MBTPS2: variants seen among roughly 807,000 people sequenced by gnomAD.
MBTPS2 encodes membrane bound transcription factor peptidase, site 2, also known as membrane-bound transcription factor site-2 protease.
In MBTPS2, 2 loss-of-function variants were observed where a neutral mutation model predicts 35.4. That is an observed-to-expected ratio of 0.06 (90% CI 0.02 to 0.18). The LOEUF (loss-of-function observed/expected upper bound fraction) is 0.18, where lower values mean the gene tolerates loss of function less well. MBTPS2 is among the 10% of genes least tolerant of loss of function. The pLI, the probability that MBTPS2 is intolerant of heterozygous loss-of-function variation, is 1.00. For synonymous variants in MBTPS2, 125 were observed against 140.4 expected (o/e 0.89, Z 0.77); for missense variants, 244 against 386.5 (o/e 0.63, Z 3.09).
At chrX:21,856,214 C>T in intron 5 of MBTPS2, 1 of 345,614 alleles carries the variant, frequency 2.9e-6, no homozygotes, top group Non-Finnish European at 5.0e-6. Flanking sequence ...GCGCCAGTTG[C>T]CTAGGCGCAT....
intron 10 of MBTPS2, among the ~76,000 whole-genome samples, chrX:21,881,990 G>T (rs2092960016): frequency 8.9e-6 from 1 of 112,095 alleles, no homozygotes; most frequent in South Asian, 3.7e-4. Flanking sequence ...TTGTCACAAA[G>T]AGACTTATGC....
At chrX:21,857,703 TA>T (rs11339991) in intron 5 of MBTPS2, 357,215 of 884,007 alleles carry the variant, frequency 0.4, 54,876 homozygotes, top group East Asian at 0.62. Context: ...CTAAGAGTTT[TA>T]AAAAAAAATG....
intron 2 of MBTPS2, among the ~76,000 whole-genome samples, chrX:21,844,279 G>A (rs1183057452): frequency 2.7e-5 from 3 of 111,183 alleles, no homozygotes; most frequent in Admixed American, 9.5e-5. Context: ...TTAGGAGGCC[G>A]AGATGGGCGG....
Position 21,839,764 on chromosome X carries a change from G to C in MBTPS2, c.30G>C (p.Val10=), listed in dbSNP as rs139020486. 1.6e-4 allele frequency: 188 copies of C among 1,193,147 alleles called. No individual in the cohort carries two copies. The highest frequency in any genetic ancestry group is 1.4e-3 in the Middle Eastern group (6 of 4,299). The change falls in exon 1 of 11, where the codon GTG becomes GTC. Residue 10 remains valine, a synonymous_variant. Transcript: ENST00000379484. MIPVSLVVV[V]VGGWTVVYLT... ...TTCCGGTGTCGCTGGTGGTGGTGGT[G>C]GTGGGTGGCTGGACTGTCGTCTACC...
chrX:21,879,949 C>CTTTT (rs60769329), intron 9 of MBTPS2, among the ~76,000 whole-genome samples: 11 of 47,374 alleles, frequency 2.3e-4, no homozygotes, highest in African/African-American at 5.3e-4. Flanking sequence ...TTATGTTATT[C>CTTTT]TTTTTTTTTT....
At chrX:21,845,458 T>A in intron 3 of MBTPS2, 74 bp downstream of exon 3, 1 of 923,554 alleles carries the variant, frequency 1.1e-6, no homozygotes, top group Non-Finnish European at 1.5e-6. Flanking sequence ...CTAGTGTAAC[T>A]CCTATCCATA....
chrX:21,866,993 G>A (rs1204873611), intron 5 of MBTPS2, among the ~76,000 whole-genome samples: 1 of 102,729 alleles, frequency 9.7e-6, no homozygotes, highest in Non-Finnish European at 2.0e-5. Context: ...CTCGCCACTG[G>A]GCAACAGAGC....
At chrX:21,841,377 G>A (rs1259478488) in intron 1 of MBTPS2, among the ~76,000 whole-genome samples, 1 of 110,646 alleles carries the variant, frequency 9.0e-6, no homozygotes, top group Admixed American at 9.6e-5. Context: ...AAACAAGATC[G>A]TGCCACTGCA....
chrX:21,857,402 C>T (rs146221313), intron 5 of MBTPS2: 544 of 1,211,022 alleles, frequency 4.5e-4, no homozygotes, highest in African/African-American at 8.7e-4. Context: ...TGGTCCACAC[C>T]GGCGAGAAGC....
chrX:21,856,362 TTTCTCTGCAGCTCGC>T, intron 5 of MBTPS2: 1 of 777,251 alleles, frequency 1.3e-6, no homozygotes, highest in South Asian at 2.5e-5. Flanking sequence ...AGCTCGCGCC[TTTCTCTGCAGCTCGC>T]CCCTTCCTCT....
At position 21,877,978 on chromosome X, in the gene MBTPS2, G is replaced by T. The variant is rs58271840; in HGVS notation, c.971-64G>T. 0.02 allele frequency: 14,786 copies of T among 725,425 alleles called. 786 individuals are homozygous for T. Among genetic ancestry groups the T allele is most frequent in the African/African-American group, 0.2 (9,423 of 47,447 alleles). The allele number at this position is 725,425 out of a possible 1,213,427, so 59.8% of individuals were successfully genotyped here. A position where few individuals can be genotyped will look rare whatever the true frequency, so the allele number is the denominator to read the frequency against. Reference sequence around the variant, plus strand: ...TTTACTTATTCTTTTTGTCTTAAAGGCATTTTTTGTTACAAATGTATTTTT... The same window carrying T: ...TTTACTTATTCTTTTTGTCTTAAAGTCATTTTTTGTTACAAATGTATTTTT... On this transcript the variant is annotated intron_variant, in intron 7 of 10. Transcript: ENST00000379484.
chrX:21,875,518 T>TC (rs2147451920), intron 7 of MBTPS2, among the ~76,000 whole-genome samples: 1 of 112,475 alleles, frequency 8.9e-6, no homozygotes, highest in African/African-American at 3.2e-5. Context: ...GATAATAAAT[T>TC]CCTGACTTCC....
intron 5 of MBTPS2, among the ~76,000 whole-genome samples, chrX:21,867,880 C>T (rs2092942389): frequency 9.1e-6 from 1 of 109,485 alleles, no homozygotes; most frequent in Non-Finnish European, 1.9e-5. Context: ...ACCTCGTGAT[C>T]CGCCCGCCCT....
intron 5 of MBTPS2, chrX:21,856,655 G>A (rs772576056): frequency 5.8e-6 from 7 of 1,209,896 alleles, no homozygotes; most frequent in Non-Finnish European, 7.8e-6. Flanking sequence ...ACAACCATCC[G>A]CCATTGATGG....
intron 3 of MBTPS2, among the ~76,000 whole-genome samples, chrX:21,848,228 TGG>T (rs2092910639): frequency 9.0e-6 from 1 of 111,395 alleles, no homozygotes; most frequent in Non-Finnish European, 1.9e-5. Context: ...GAGACCAGCC[TGG>T]GCAACATGGT....
intron 7 of MBTPS2, chrX:21,870,453 C>T (rs927760376): frequency 9.0e-6 from 1 of 111,295 alleles, no homozygotes; most frequent in Admixed American, 9.6e-5. Flanking sequence ...ATATAAAAAT[C>T]AAAGCATAAA....
At chrX:21,878,976 G>T (rs1481233668) in intron 9 of MBTPS2, among the ~76,000 whole-genome samples, 2 of 111,012 alleles carry the variant, frequency 1.8e-5, no homozygotes, top group Non-Finnish European at 3.8e-5. Context: ...TCTCTCAGAT[G>T]TCCTCTGAGA....
intron 3 of MBTPS2, among the ~76,000 whole-genome samples, 188 bp downstream of exon 3, chrX:21,845,572 G>T (rs2092907829): frequency 8.9e-6 from 1 of 112,117 alleles, no homozygotes; most frequent in Non-Finnish European, 1.9e-5. Flanking sequence ...ATATTTGGTA[G>T]TAGTTGTAAT....
At chrX:21,851,825 C>T (rs1334642960) in intron 4 of MBTPS2, among the ~76,000 whole-genome samples, 1 of 111,585 alleles carries the variant, frequency 9.0e-6, no homozygotes, top group Non-Finnish European at 1.9e-5. Flanking sequence ...TAACCATGGG[C>T]ATATCTGTAA....
Sources: gnomAD v4.1 joint callset for allele counts (sites outside exome capture counted in the v4.1 genomes callset) on GRCh38, gnomAD v4.1.1 for gene constraint, MANE v1.5 for transcripts, NCBI Gene and HGNC (gene_info 2026-07-23, HGNC 2026-07-21) for gene names.